The following FMR1 variants were observed in gnomAD, a reference collection of about 807,000 sequenced individuals.
FMR1 encodes the protein FMRP translational regulator 1.
In FMR1, 13 loss-of-function variants were observed where a neutral mutation model predicts 50.6. The observed-to-expected ratio is 0.26, with a 90% CI of 0.17 to 0.41. The LOEUF (loss-of-function observed/expected upper bound fraction) is 0.41, where lower values mean the gene tolerates loss of function less well. Ranked by LOEUF, FMR1 falls within the 10% of genes least tolerant of loss-of-function variation. The pLI is 1.00. For synonymous variants in FMR1, 138 were observed against 164.1 expected, an observed-to-expected ratio of 0.84 and a Z score of 1.22; for missense variants, 316 against 491.3, an observed-to-expected ratio of 0.64 and a Z score of 3.37.
At chrX:147,913,869 A>G (rs1176409497) in intron 1 of FMR1, 2 of 111,944 alleles carry the variant, frequency 1.8e-5, no homozygotes, top group Non-Finnish European at 3.8e-5. Context: ...TCTGGCACTA[A>G]TAACTATAAT....
At chrX:147,922,626 T>A (rs2043221489) in intron 2 of FMR1, among the ~76,000 whole-genome samples, 1 of 111,935 alleles carries the variant, frequency 8.9e-6, no homozygotes, top group African/African-American at 3.2e-5. Context: ...TAAAGGCTAT[T>A]TTCAGGGTAG....
Position 147,948,987 on chromosome X carries a change from A to AT in FMR1, c.*149dup. 1 of 621,171 alleles carries AT rather than the reference A, an allele frequency of 1.6e-6. No individual in the cohort carries two copies. Among genetic ancestry groups the AT allele is most frequent in the Non-Finnish European group, 2.6e-6 (1 of 380,650 alleles). 51.2% of individuals were successfully genotyped at this position (621,171 alleles called of 1,213,427 possible). A position where few individuals can be genotyped will look rare whatever the true frequency, so the allele number is the denominator to read the frequency against. On this transcript the variant is annotated 3_prime_UTR_variant, in exon 17 of 17. Coordinates refer to ENST00000370475, the MANE Select transcript of FMR1 (RefSeq NM_002024.6). ...ACACAAATTATGCTAAGAATTTTTT[A>AT]TTTTTTGGTATTGGCCATAAGCAAC...
rs782783263 is a variant in FMR1, at chrX:147,937,441, TTTGTG to T, written c.991-22_991-18del. On this transcript the variant is annotated intron_variant, in intron 10 of 16. Coordinates refer to ENST00000370475, the MANE Select transcript of FMR1 (RefSeq NM_002024.6). Reference sequence around the variant, plus strand: ...TCTTAAATTGGTCCTTTTTTTCTCTTTTGTGTTTTCTGTTTTTTACCAAGGAAATT... The same window carrying T: ...TCTTAAATTGGTCCTTTTTTTCTCTTTTTTCTGTTTTTTACCAAGGAAATT... 2.3e-5 allele frequency: 24 copies of T among 1,063,437 alleles called. No homozygotes were observed. In the South Asian group the frequency reaches 4.5e-4, roughly 20 times the overall value. 87.6% of individuals were successfully genotyped at this position (1,063,437 alleles called of 1,213,427 possible).
At chrX:147,930,395 T>G in intron 7 of FMR1, 151 bp downstream of exon 7, 1 of 494,853 alleles carries the variant, frequency 2.0e-6, no homozygotes, top group Non-Finnish European at 3.6e-6. Flanking sequence ...CAAAGCATAA[T>G]CATACTAAAG....
chrX:147,948,302 A>G (rs1158503368), intron 16 of FMR1: 10 of 288,107 alleles, frequency 3.5e-5, no homozygotes, highest in Non-Finnish European at 4.9e-5. Context: ...CAATCTTTGG[A>G]GAATAACTAA....
intron 13 of FMR1, among the ~76,000 whole-genome samples, chrX:147,941,001 C>A (rs782338221): frequency 1.8e-5 from 2 of 111,999 alleles, no homozygotes; most frequent in South Asian, 7.4e-4. Flanking sequence ...AAATCTGTGT[C>A]TATAACTCTT....
chrX:147,950,275 C>T lies in FMR1; in HGVS notation c.*1431C>T, dbSNP rs782155167. The T allele has an allele frequency of 6.1e-6, 2 of 329,186 alleles. No homozygotes were observed. The highest frequency in any genetic ancestry group is 2.6e-5 in the South Asian group (1 of 38,426). 27.1% of individuals were successfully genotyped at this position (329,186 alleles called of 1,213,427 possible). On this transcript the variant is annotated 3_prime_UTR_variant, in exon 17 of 17. Coordinates refer to ENST00000370475, the MANE Select transcript of FMR1 (RefSeq NM_002024.6). Reference sequence around the variant, plus strand: ...GAATTTTCATTTTACAGTTACTTTTCCTTGCATACAAACAAGCATATAAAA... The same window carrying T: ...GAATTTTCATTTTACAGTTACTTTTTCTTGCATACAAACAAGCATATAAAA...
At chrX:147,923,272 G>GT (rs1207699740) in intron 2 of FMR1, among the ~76,000 whole-genome samples, 1 of 111,957 alleles carries the variant, frequency 8.9e-6, no homozygotes, top group East Asian at 2.8e-4. Flanking sequence ...AGTTTGAATA[G>GT]TAGAATACCT....
chrX:147,912,654 G>A (rs2042646527), intron 1 of FMR1: 1 of 301,522 alleles, frequency 3.3e-6, no homozygotes, highest in Non-Finnish European at 5.8e-6. Context: ...GGAGCGGGGG[G>A]CGCTTCAGCC....
At chrX:147,943,408 A>C in intron 14 of FMR1, 82 bp downstream of exon 14, 1 of 875,657 alleles carries the variant, frequency 1.1e-6, no homozygotes. Flanking sequence ...TTAGAACCCC[A>C]TTATAACAAT....
At chrX:147,947,777 A>G (rs908534114) in intron 16 of FMR1, among the ~76,000 whole-genome samples, 4 of 111,538 alleles carry the variant, frequency 3.6e-5, no homozygotes, top group African/African-American at 1.3e-4. Context: ...AAACACATGC[A>G]CATACCCACT....
intron 1 of FMR1, chrX:147,914,552 G>A (rs2042753333): frequency 8.9e-6 from 1 of 112,108 alleles, no homozygotes; most frequent in Admixed American, 9.4e-5. Flanking sequence ...AACAACTTGA[G>A]TATAATGGAA....
At chrX:147,935,749 A>G (rs1425200661) in intron 9 of FMR1, among the ~76,000 whole-genome samples, 1 of 112,305 alleles carries the variant, frequency 8.9e-6, no homozygotes, top group Non-Finnish European at 1.9e-5. Context: ...AAGTTTTAAT[A>G]GATGTTACTG....
At chrX:147,921,524 A>G (rs1027682918) in intron 1 of FMR1, among the ~76,000 whole-genome samples, 2 of 111,312 alleles carry the variant, frequency 1.8e-5, no homozygotes, top group Non-Finnish European at 1.9e-5. Flanking sequence ...GACTATTGGT[A>G]TTCTAAGATT....
At chrX:147,931,467 A>G (rs1422593022) in intron 7 of FMR1, among the ~76,000 whole-genome samples, 2 of 112,097 alleles carry the variant, frequency 1.8e-5, no homozygotes, top group Admixed American at 9.5e-5. Flanking sequence ...GTATTCATTC[A>G]TTCAAATTAT....
chrX:147,921,957 G>A lies in FMR1; in HGVS notation c.76G>A (p.Asp26Asn). ...YKAFVKDVHE[D>N]SITVAFENNW... ...GGCATTTGTAAAGGATGTTCATGAAGATTCAATAACAGTTGCATTTGAAAA... is the reference window on the plus strand; with the variant it reads ...GGCATTTGTAAAGGATGTTCATGAAAATTCAATAACAGTTGCATTTGAAAA... The change falls in exon 2 of 17, where the codon GAT (aspartate) becomes AAT (asparagine). Residue 26 changes from aspartate to asparagine, a missense_variant. Coordinates refer to ENST00000370475, the MANE Select transcript of FMR1 (RefSeq NM_002024.6). 1 of 1,148,443 alleles carries A rather than the reference G, an allele frequency of 8.7e-7. No individual in the cohort carries two copies. Among genetic ancestry groups the A allele is most frequent in the South Asian group, 1.8e-5 (1 of 55,011 alleles). The allele number at this position is 1,148,443 out of a possible 1,213,427, so 94.6% of individuals were successfully genotyped here. A position where few individuals can be genotyped will look rare whatever the true frequency, so the allele number is the denominator to read the frequency against.
intron 5 of FMR1, among the ~76,000 whole-genome samples, chrX:147,929,444 C>T (rs2043511015): frequency 1.8e-5 from 2 of 110,899 alleles, no homozygotes; most frequent in Admixed American, 1.9e-4. Context: ...GGTTCATGTA[C>T]GTTTCCTTCT....
At chrX:147,913,518 G>GT (rs1352486955) in intron 1 of FMR1, 1 of 112,167 alleles carries the variant, frequency 8.9e-6, no homozygotes, top group Non-Finnish European at 1.9e-5. Flanking sequence ...TGGCTTGAAT[G>GT]TTTCAGACAG....
chrX:147,927,259 T>C (rs1261239402), intron 3 of FMR1, among the ~76,000 whole-genome samples: 1 of 111,618 alleles, frequency 9.0e-6, no homozygotes, highest in African/African-American at 3.3e-5. Flanking sequence ...AAAGGGACTT[T>C]TTCTCCCCAG....
Sources: gnomAD v4.1 joint callset for allele counts (sites outside exome capture counted in the v4.1 genomes callset) on GRCh38, gnomAD v4.1.1 for gene constraint, MANE v1.5 for transcripts, NCBI Gene and HGNC (gene_info 2026-07-23, HGNC 2026-07-21) for gene names.